The following PCDH7 variants were observed in gnomAD, a reference collection of about 807,000 sequenced individuals.
PCDH7 encodes the protein protocadherin-7.
PCDH7 carries 17 observed loss-of-function variants against 58.9 expected under a neutral mutation model. That is an observed-to-expected ratio of 0.29 (90% confidence interval 0.20 to 0.43). The LOEUF (loss-of-function observed/expected upper bound fraction) is 0.43, where lower values mean the gene tolerates loss of function less well. PCDH7 is among the 20% of genes least tolerant of loss of function. PCDH7 has a pLI of 1.00. For synonymous variants in PCDH7, 664 were observed against 616.4 expected (o/e 1.08, Z -1.14); for missense variants, 1,274 against 1,441.0 (o/e 0.88, Z 1.88).
chr4:31,012,028 A>C (rs1753227455), intron 3 of PCDH7, among the ~76,000 whole-genome samples: 1 of 152,120 alleles, frequency 6.6e-6, no homozygotes, highest in Admixed American at 6.6e-5. Context: ...CAAATGAATT[A>C]GGAAAATTTT....
intron 3 of PCDH7, among the ~76,000 whole-genome samples, chr4:31,109,895 C>T (rs957850900): frequency 6.6e-6 from 1 of 152,172 alleles, no homozygotes; most frequent in East Asian, 1.9e-4. Context: ...GACGCTGTTA[C>T]AATCTAACCT....
At chr4:30,779,907 T>A (rs1007307767) in intron 1 of PCDH7, among the ~76,000 whole-genome samples, 5 of 152,210 alleles carry the variant, frequency 3.3e-5, no homozygotes, top group African/African-American at 1.2e-4. Context: ...CTCATTAGCA[T>A]CTAGTCTCTG....
At chr4:31,116,105 A>G (rs2109317419) in intron 3 of PCDH7, among the ~76,000 whole-genome samples, 1 of 152,276 alleles carries the variant, frequency 6.6e-6, no homozygotes, top group African/African-American at 2.4e-5. Context: ...GGGGAGAGAA[A>G]TGATCCTAAA....
intron 1 of PCDH7, among the ~76,000 whole-genome samples, chr4:30,782,665 A>C (rs963981513): frequency 2.0e-5 from 3 of 152,214 alleles, no homozygotes; most frequent in African/African-American, 7.2e-5. Context: ...CCAAAGAAAT[A>C]AGTAAACATA....
chr4:30,921,001 T>C (rs1421353352), intron 2 of PCDH7, among the ~76,000 whole-genome samples: 1 of 152,168 alleles, frequency 6.6e-6, no homozygotes, highest in Non-Finnish European at 1.5e-5. Context: ...CATATTTTTA[T>C]ACTGTTTTGA....
chr4:30,737,236 A>G (rs1313526631), downstream of PCDH7, among the ~76,000 whole-genome samples: 1 of 152,204 alleles, frequency 6.6e-6, no homozygotes, highest in African/African-American at 2.4e-5. Context: ...GGAGTCATAT[A>G]AAACATTTGC....
intron 3 of PCDH7, among the ~76,000 whole-genome samples, chr4:31,115,703 T>G (rs2109316967): frequency 6.6e-6 from 1 of 152,330 alleles, no homozygotes; most frequent in African/African-American, 2.4e-5. Context: ...TATTCTGTGC[T>G]TTCCCTCTTT....
At position 30,723,784 on chromosome 4, in the gene PCDH7, C is replaced by T; in HGVS notation, c.2362C>T (p.Pro788Ser). ...GAACTACAGCATTGTGGGAGGAAAT[C>T]CCTTCAAGCTGTTTGAAATTGATCC... is the stretch of plus-strand genomic sequence containing the variant. Residue 788 changes from proline to serine, a missense_variant, in exon 1 of 2, where the codon CCC (proline) becomes TCC (serine). Physicochemically the swap from Pro to Ser is moderately conservative, Grantham distance 74 (BLOSUM62 -1). This residue lies in a region of PCDH7 where 731 missense variants were observed against 881.9 expected (regional missense o/e 0.83). Transcript: ENST00000361762. The surrounding 1 kb of genome is among the most constrained non-coding windows in gnomAD (Gnocchi z 4.6). 1 of 1,614,108 alleles carries T rather than the reference C, an allele frequency of 6.2e-7. No homozygotes were observed. Among genetic ancestry groups the T allele is most frequent in the South Asian group, 1.1e-5 (1 of 91,072 alleles).
In PCDH7 at chr4:30,722,759, A is replaced by C; in HGVS notation, c.1337A>C (p.Gln446Pro). Residue 446 changes from glutamine (Q) to proline (P), a missense_variant, in exon 1 of 2, where the codon CAG (glutamine) becomes CCG (proline). By Grantham distance (76) the Gln-to-Pro change is moderately conservative. Around this residue, in one of 3 missense-constraint regions of PCDH7, gnomAD observed 731 missense variants for 881.9 expected, o/e 0.83. Coordinates refer to ENST00000361762, the Ensembl canonical transcript of PCDH7. The surrounding 1 kb of genome is among the most constrained non-coding windows in gnomAD (Gnocchi z 7.6). ...GTCGACACCCCCATCGCTCTGGTGC[A>C]GGTGTCCGACCGAGACCAAGGCGAG... 1 of 1,613,566 alleles carries C rather than the reference A, an allele frequency of 6.2e-7. No individual in the cohort carries two copies. The highest frequency in any genetic ancestry group is 1.1e-5 in the South Asian group (1 of 91,076).
chr4:30,728,277 G>GTATATA (rs201692269), intron 1 of PCDH7, among the ~76,000 whole-genome samples: 3 of 139,664 alleles, frequency 2.1e-5, no homozygotes, highest in African/African-American at 7.9e-5. Flanking sequence ...ACATACATAT[G>GTATATA]TATATATATA....
chr4:31,056,787 C>T (rs1314468681), intron 3 of PCDH7, among the ~76,000 whole-genome samples: 1 of 152,106 alleles, frequency 6.6e-6, no homozygotes, highest in Non-Finnish European at 1.5e-5. Context: ...ACCATGTTGG[C>T]CAGGCTGGTC....
rs114073524 is a variant in PCDH7 at position 30,962,364 on chromosome 4, C to T, written c.*7+12149C>T. ...TCAGCTAGACTTGTTCAAGTTGGAC[C>T]GCCTATGTAATACTTTTCCTAAATT... is the stretch of plus-strand genomic sequence containing the variant. On this transcript the variant is annotated intron_variant, in intron 3 of 3. Transcript: ENST00000509759. 1.9e-3 allele frequency among the ~76,000 whole-genome samples: 285 copies of T among 152,138 alleles called. 1 individual carries two copies. The highest frequency in any genetic ancestry group is 6.5e-3 in the African/African-American group (270 of 41,510).
At chr4:30,754,968 C>T (rs1221716376) in intron 1 of PCDH7, among the ~76,000 whole-genome samples, 1 of 152,158 alleles carries the variant, frequency 6.6e-6, no homozygotes, top group African/African-American at 2.4e-5. Context: ...TATGCCATTT[C>T]ATCCTTATGC....
intron 3 of PCDH7, among the ~76,000 whole-genome samples, chr4:30,996,766 G>A (rs1416793165): frequency 6.6e-6 from 1 of 152,200 alleles, no homozygotes; most frequent in Non-Finnish European, 1.5e-5. Context: ...CAATTGATGA[G>A]AACAGTGCTT....
At chr4:30,881,982 G>C (rs534149676) in intron 1 of PCDH7, among the ~76,000 whole-genome samples, 1 of 152,238 alleles carries the variant, frequency 6.6e-6, no homozygotes, top group East Asian at 1.9e-4. Flanking sequence ...AGGCTACCAA[G>C]TGTGAAACAT....
At chr4:31,056,910 A>T (rs1297674368) in intron 3 of PCDH7, among the ~76,000 whole-genome samples, 1 of 152,152 alleles carries the variant, frequency 6.6e-6, no homozygotes, top group Non-Finnish European at 1.5e-5. Flanking sequence ...TCCATTAGTC[A>T]AATATCCAAA....
At chr4:30,984,645 A>G (rs1411485610) in intron 3 of PCDH7, among the ~76,000 whole-genome samples, 2 of 152,134 alleles carry the variant, frequency 1.3e-5, no homozygotes, top group African/African-American at 4.8e-5. Flanking sequence ...GCCAATATGT[A>G]ATTCCCAAAA....
intron 1 of PCDH7, among the ~76,000 whole-genome samples, chr4:30,796,091 C>T (rs550329460): frequency 2.0e-5 from 3 of 151,954 alleles, no homozygotes; most frequent in Non-Finnish European, 2.9e-5. Flanking sequence ...ATGAGAAATC[C>T]CTTTAAAACC....
chr4:30,853,481 T>A (rs2109348342), intron 1 of PCDH7, among the ~76,000 whole-genome samples: 1 of 152,232 alleles, frequency 6.6e-6, no homozygotes, highest in Middle Eastern at 3.4e-3. Context: ...CACAGGGTTA[T>A]AAGTTGAGCC....
Sources: allele counts gnomAD v4.1 joint callset (sites outside exome capture counted in the v4.1 genomes callset), GRCh38; gene constraint gnomAD v4.1.1; regional missense constraint gnomAD v4.1.1; non-coding constraint Gnocchi (gnomAD v3.1); transcripts MANE v1.5; gene names NCBI Gene and HGNC (gene_info 2026-07-23, HGNC 2026-07-21).